The following GLIS3 variants were observed in gnomAD, a reference collection of about 807,000 sequenced individuals.
GLIS3 encodes the protein GLIS family zinc finger 3.
GLIS3 carries 53 observed loss-of-function variants against 78.6 expected under a neutral mutation model. The observed-to-expected ratio is 0.67, with a 90% confidence interval of 0.54 to 0.85. GLIS3 has a LOEUF of 0.85. GLIS3 is among the 40% of genes least tolerant of loss of function. GLIS3 has a pLI of 0.00. For missense variants in GLIS3, 1,703 were observed against 1,231.1 expected (o/e 1.38, Z -5.74); for synonymous variants, 684 against 509.9 (o/e 1.34, Z -4.60).
chr9:4,084,151 G>T (rs1427034992), intron 4 of GLIS3, among the ~76,000 whole-genome samples: 1 of 152,008 alleles, frequency 6.6e-6, no homozygotes, highest in African/African-American at 2.4e-5. Context: ...AAGACAGCAA[G>T]AACTCCTTTG....
At chr9:4,282,477 C>A (rs1827647849) in intron 2 of GLIS3, among the ~76,000 whole-genome samples, 1 of 152,174 alleles carries the variant, frequency 6.6e-6, no homozygotes, top group Non-Finnish European at 1.5e-5. Context: ...AAAATTCTTC[C>A]TGCCTGATTG....
chr9:3,957,648 T>C (rs896578106), intron 4 of GLIS3, among the ~76,000 whole-genome samples: 213 of 152,330 alleles, frequency 1.4e-3, no homozygotes, highest in Non-Finnish European at 3.1e-4. Context: ...ATTAGGCACA[T>C]ACATATCGCA....
chr9:4,250,015 G>A lies in GLIS3; in HGVS notation c.388+36023C>T, dbSNP rs572226775. 1.4e-4 allele frequency among the ~76,000 whole-genome samples: 21 copies of A among 152,248 alleles called. No homozygotes were observed. In the South Asian group the frequency reaches 3.7e-3, roughly 27 times the overall value. ...GCTTTTTGATGTGCTGCTGGATTCC[G>A]TTTGCCAGTATTTTATTGAGGATCT... On this transcript the variant is annotated intron_variant, in intron 2 of 10. Coordinates refer to ENST00000381971, the MANE Select transcript of GLIS3 (RefSeq NM_001042413.2).
the GLIS3 span, among the ~76,000 whole-genome samples, chr9:4,373,944 G>A: frequency 6.6e-6 from 1 of 152,136 alleles, no homozygotes; most frequent in African/African-American, 2.4e-5. Flanking sequence ...GGGATTACAG[G>A]TGTGAGCCAC....
intron 4 of GLIS3, among the ~76,000 whole-genome samples, chr9:3,946,504 T>A (rs975831398): frequency 1.3e-5 from 2 of 152,242 alleles, no homozygotes; most frequent in African/African-American, 4.8e-5. Flanking sequence ...ATTTACAGGT[T>A]TTAGATGCTG....
chr9:4,103,091 T>C (rs1476405023), intron 4 of GLIS3, among the ~76,000 whole-genome samples: 3 of 152,166 alleles, frequency 2.0e-5, no homozygotes, highest in African/African-American at 7.2e-5. Flanking sequence ...ATGAACATCA[T>C]AAAATTTTCC....
At chr9:4,471,398 C>A in the GLIS3 span, among the ~76,000 whole-genome samples, 2 of 152,002 alleles carry the variant, frequency 1.3e-5, no homozygotes, top group East Asian at 3.8e-4. Context: ...GTACTGGTAC[C>A]AAAAGAGAGA....
intron 4 of GLIS3, among the ~76,000 whole-genome samples, chr9:3,962,145 A>G (rs1247824540): frequency 2.6e-5 from 4 of 152,152 alleles, no homozygotes; most frequent in Non-Finnish European, 5.9e-5. Context: ...GCTTGAGCCC[A>G]GGAGTTTGGG....
intron 4 of GLIS3, among the ~76,000 whole-genome samples, chr9:4,053,832 A>G (rs1825923303): frequency 6.6e-6 from 1 of 152,090 alleles, no homozygotes; most frequent in South Asian, 2.1e-4. Flanking sequence ...GAGATTTCCA[A>G]TGTTCTTCTA....
chr9:3,891,001 T>C (rs2130545417), intron 7 of GLIS3, among the ~76,000 whole-genome samples: 1 of 151,770 alleles, frequency 6.6e-6, no homozygotes, highest in African/African-American at 2.4e-5. Flanking sequence ...CAGTTTTCTT[T>C]TATTCTACTG....
Position 4,341,204 on chromosome 9 carries a change from G to C in GLIS3, n.264+5877C>G, listed in dbSNP as rs79395793. Among the ~76,000 whole-genome samples the C allele has an allele frequency of 5.9e-3, 894 of 152,306 alleles. 2 individuals carry two copies. Among genetic ancestry groups the C allele is most frequent in the Non-Finnish European group, 8.3e-3 (567 of 68,032 alleles). ...ATACTCTCTAGGACAAAACAAGACTGCTCTCTATCCATCTACTTCCACTTC... is the reference window on the plus strand; with the variant it reads ...ATACTCTCTAGGACAAAACAAGACTCCTCTCTATCCATCTACTTCCACTTC... On this transcript the variant is annotated intron_variant and non_coding_transcript_variant, in intron 2 of 4. Coordinates refer to the GLIS3 transcript ENST00000471664.
At chr9:4,119,958 G>C (rs188113661) in intron 3 of GLIS3, among the ~76,000 whole-genome samples, 3 of 152,322 alleles carry the variant, frequency 2.0e-5, no homozygotes, top group East Asian at 3.9e-4. Flanking sequence ...ACAGAGGCAA[G>C]ACATAACACG....
chr9:3,932,305 A>G, intron 6 of GLIS3, 55 bp downstream of exon 6: 1 of 1,374,214 alleles, frequency 7.3e-7, no homozygotes, highest in Non-Finnish European at 1.0e-6. Context: ...TTCGTGTACT[A>G]CAAGAATAAT....
At chr9:4,481,586 T>C in the GLIS3 span, among the ~76,000 whole-genome samples, 379 of 152,132 alleles carry the variant, frequency 2.5e-3, 2 homozygotes, top group African/African-American at 8.9e-3. Flanking sequence ...AATTCCCATG[T>C]AATTCAGGTC....
chr9:4,086,986 A>G (rs2130730311), intron 4 of GLIS3, among the ~76,000 whole-genome samples: 1 of 152,290 alleles, frequency 6.6e-6, no homozygotes, highest in East Asian at 1.9e-4. Context: ...TGCATCCTCT[A>G]CAAAATCCTA....
chr9:3,835,792 T>G (rs1818315319), intron 9 of GLIS3, among the ~76,000 whole-genome samples: 1 of 152,236 alleles, frequency 6.6e-6, no homozygotes, highest in Non-Finnish European at 1.5e-5. Flanking sequence ...TCTAATAACA[T>G]AAGCATTTCA....
At chr9:4,202,685 C>A (rs1819514741) in intron 2 of GLIS3, among the ~76,000 whole-genome samples, 1 of 152,098 alleles carries the variant, frequency 6.6e-6, no homozygotes, top group Non-Finnish European at 1.5e-5. Context: ...ACCATCAGAT[C>A]TTTGACAAAG....
intron 8 of GLIS3, 103 bp from the exon 9 acceptor site, chr9:3,856,287 G>A: frequency 2.0e-6 from 2 of 1,025,182 alleles, no homozygotes; most frequent in African/African-American, 1.6e-5. Flanking sequence ...GGCTATACAA[G>A]AGCGTGACAA....
At chr9:4,074,225 G>A (rs929198039) in intron 4 of GLIS3, among the ~76,000 whole-genome samples, 3 of 152,150 alleles carry the variant, frequency 2.0e-5, no homozygotes, top group Admixed American at 6.5e-5. Flanking sequence ...TCATTTCAGG[G>A]TGGGTCCCCA....
Sources: allele counts gnomAD v4.1 joint callset (sites outside exome capture counted in the v4.1 genomes callset), GRCh38; gene constraint gnomAD v4.1.1; transcripts MANE v1.5; gene names NCBI Gene and HGNC (gene_info 2026-07-23, HGNC 2026-07-21).